TMEM178B: variants seen among roughly 807,000 people sequenced by gnomAD.
The protein encoded by TMEM178B is transmembrane protein 178B.
Under a neutral mutation model 31.0 loss-of-function variants are expected in TMEM178B, and 5 were observed. The ratio of observed to expected loss-of-function variants is 0.16; its 90% CI spans 0.08 to 0.34. The LOEUF is 0.34. Among genes scored for constraint, TMEM178B ranks in the 10% least tolerant of loss-of-function variants. TMEM178B has a pLI of 1.00. For missense variants in TMEM178B, 275 were observed against 400.3 expected, an observed-to-expected ratio of 0.69 and a Z score of 2.67; for synonymous variants, 164 against 164.0, an observed-to-expected ratio of 1.00 and a Z score of 0.00.
At chr7:141,458,782 T>A (rs41507647) in intron 3 of TMEM178B, among the ~76,000 whole-genome samples, 28,526 of 152,124 alleles carry the variant, frequency 0.19, 2,856 homozygotes, top group East Asian at 0.29. Context: ...GATGCTGAAG[T>A]CCTGCAAAAA....
intron 2 of TMEM178B, among the ~76,000 whole-genome samples, chr7:141,321,483 A>G (rs1173562595): frequency 1.3e-5 from 2 of 152,172 alleles, no homozygotes; most frequent in African/African-American, 4.8e-5. Context: ...ACAGCCGAGT[A>G]AGAGAGTGCA....
At chr7:141,167,062 A>C (rs1428335242) in intron 1 of TMEM178B, among the ~76,000 whole-genome samples, 2 of 152,198 alleles carry the variant, frequency 1.3e-5, no homozygotes, top group Non-Finnish European at 2.9e-5. Flanking sequence ...TGTGTGGCCT[A>C]TAGCTAGTCA....
intron 2 of TMEM178B, among the ~76,000 whole-genome samples, chr7:141,304,139 A>G (rs1437458352): frequency 2.0e-5 from 3 of 152,226 alleles, no homozygotes; most frequent in Non-Finnish European, 2.9e-5. Flanking sequence ...TTTAATCCAG[A>G]AGACCAGACA....
chr7:141,339,297 G>A lies in TMEM178B; in HGVS notation c.497-98311G>A, dbSNP rs571459362. Among the ~76,000 whole-genome samples, 3 of 152,264 alleles carry A rather than the reference G, an allele frequency of 2.0e-5. No homozygotes were observed. The East Asian group carries it at 5.8e-4, about 29-fold the overall frequency. On this transcript the variant is annotated intron_variant, in intron 2 of 3. Transcript: ENST00000565468. ...TCACATAGCCAGGAGGGGTAGGGCA[G>A]CCACCTCTCGTCCGCCTCAGTGGAC...
intron 2 of TMEM178B, among the ~76,000 whole-genome samples, chr7:141,290,697 C>G (rs1224741589): frequency 6.6e-6 from 1 of 152,238 alleles, no homozygotes; most frequent in Admixed American, 6.5e-5. Context: ...ACCCCACCCA[C>G]AAGATAGTCT....
intron 2 of TMEM178B, among the ~76,000 whole-genome samples, chr7:141,307,172 TA>T (rs1356412084): frequency 1.5e-5 from 1 of 65,436 alleles, no homozygotes; most frequent in African/African-American, 1.2e-4. Context: ...GTACCATTTT[TA>T]TATCACTTTT....
At chr7:141,381,257 C>T (rs948298549) in intron 2 of TMEM178B, among the ~76,000 whole-genome samples, 1 of 152,228 alleles carries the variant, frequency 6.6e-6, no homozygotes, top group Non-Finnish European at 1.5e-5. Context: ...CCTCTCATGG[C>T]CTTGCTCACA....
chr7:141,170,372 G>A (rs1211343708), intron 1 of TMEM178B, among the ~76,000 whole-genome samples: 1 of 152,156 alleles, frequency 6.6e-6, no homozygotes, highest in Admixed American at 6.6e-5. Flanking sequence ...CCGTCTTACA[G>A]TGGATTATAC....
chr7:141,203,370 T>C (rs750255527), intron 1 of TMEM178B, among the ~76,000 whole-genome samples: 37 of 152,174 alleles, frequency 2.4e-4, no homozygotes, highest in Non-Finnish European at 5.1e-4. Flanking sequence ...TCCTAAAGGC[T>C]GACACTGTGG....
At chr7:141,214,113 A>G (rs553344244) in intron 2 of TMEM178B, among the ~76,000 whole-genome samples, 3 of 152,252 alleles carry the variant, frequency 2.0e-5, no homozygotes, top group Non-Finnish European at 4.4e-5. Flanking sequence ...TGTGAGGACT[A>G]AAATGTAGAA....
At chr7:141,464,995 C>T (rs1182815521) in intron 3 of TMEM178B, among the ~76,000 whole-genome samples, 2 of 152,200 alleles carry the variant, frequency 1.3e-5, no homozygotes, top group Non-Finnish European at 2.9e-5. Flanking sequence ...TAGGCCCAAA[C>T]CCCAATTCAT....
chr7:141,105,513 T>A (rs998195469), intron 1 of TMEM178B, among the ~76,000 whole-genome samples: 3 of 151,996 alleles, frequency 2.0e-5, no homozygotes, highest in African/African-American at 4.8e-5. Context: ...TCTCAAAAAC[T>A]AAACAAAACA....
At chr7:141,407,278 G>A (rs773735647) in intron 2 of TMEM178B, among the ~76,000 whole-genome samples, 3 of 152,236 alleles carry the variant, frequency 2.0e-5, no homozygotes, top group Non-Finnish European at 4.4e-5. Flanking sequence ...CTGAAAGGCT[G>A]CCCTGTTTGA....
At chr7:141,507,247 C>T in the TMEM178B span, among the ~76,000 whole-genome samples, 2 of 152,226 alleles carry the variant, frequency 1.3e-5, no homozygotes, top group African/African-American at 4.8e-5. Flanking sequence ...GTGGGGGCTC[C>T]AACCCCGCGT....
intron 2 of TMEM178B, among the ~76,000 whole-genome samples, chr7:141,216,373 T>C (rs1040053182): frequency 6.6e-6 from 1 of 151,250 alleles, no homozygotes; most frequent in Non-Finnish European, 1.5e-5. Flanking sequence ...ACAAATCTAA[T>C]TGTAAAGAAA....
chr7:141,277,259 T>A (rs1563138998), intron 2 of TMEM178B, among the ~76,000 whole-genome samples: 1 of 152,252 alleles, frequency 6.6e-6, no homozygotes, highest in Non-Finnish European at 1.5e-5. Context: ...TCTTTCTTTG[T>A]ATCCTTATTC....
chr7:141,135,155 G>A (rs186427281), intron 1 of TMEM178B, among the ~76,000 whole-genome samples: 13 of 152,216 alleles, frequency 8.5e-5, no homozygotes, highest in Non-Finnish European at 1.8e-4. Context: ...TAATGATGAA[G>A]GTATCAATTC....
intron 2 of TMEM178B, among the ~76,000 whole-genome samples, chr7:141,246,575 G>C (rs1004058118): frequency 6.6e-6 from 1 of 152,194 alleles, no homozygotes; most frequent in African/African-American, 2.4e-5. Context: ...AAGGGGTAGA[G>C]AAACCAGAGA....
chr7:141,113,603 G>A (rs988678381), intron 1 of TMEM178B, among the ~76,000 whole-genome samples: 2 of 152,110 alleles, frequency 1.3e-5, no homozygotes, highest in African/African-American at 4.8e-5. Context: ...TTACCCAACT[G>A]GAATGGGAGT....
Sources: gnomAD v4.1 joint callset for allele counts (sites outside exome capture counted in the v4.1 genomes callset) on GRCh38, gnomAD v4.1.1 for gene constraint, MANE v1.5 for transcripts, NCBI Gene and HGNC (gene_info 2026-07-23, HGNC 2026-07-21) for gene names.